The following DNAJC9 variants were observed in gnomAD, a reference collection of about 807,000 sequenced individuals.
The protein encoded by DNAJC9 is dnaJ homolog subfamily C member 9.
In DNAJC9, 18 loss-of-function variants were observed where a neutral mutation model predicts 32.4. That is an observed-to-expected ratio of 0.56 (90% confidence interval 0.38 to 0.82). DNAJC9 has a LOEUF of 0.82. Among genes scored for constraint, DNAJC9 ranks in the 40% least tolerant of loss-of-function variants. The pLI, the probability that DNAJC9 is intolerant of heterozygous loss-of-function variation, is 0.00. For missense variants in DNAJC9, 310 were observed against 321.8 expected, an observed-to-expected ratio of 0.96 and a Z score of 0.28; for synonymous variants, 113 against 122.1, an observed-to-expected ratio of 0.93 and a Z score of 0.49.
At chr10:73,246,926 G>A in intron 1 of DNAJC9, 84 bp downstream of exon 1, 3 of 1,585,390 alleles carry the variant, frequency 1.9e-6, no homozygotes, top group Non-Finnish European at 2.6e-6. Flanking sequence ...AGCTCAGCGC[G>A]CTCCCCCGGG....
intron 4 of DNAJC9, 130 bp downstream of exon 4, chr10:73,243,713 A>T: frequency 2.7e-6 from 3 of 1,095,918 alleles, no homozygotes; most frequent in Non-Finnish European, 3.9e-6. Context: ...CAAATTGTAC[A>T]CTTTAAAAGG....
In DNAJC9 at chr10:73,242,862, C is replaced by T. The variant is rs573957399; in HGVS notation, c.*538G>A. 3 of 152,802 alleles carry T rather than the reference C, an allele frequency of 2.0e-5. No individual in the cohort carries two copies. Among genetic ancestry groups the T allele is most frequent in the African/African-American group, 7.2e-5 (3 of 41,426 alleles). The allele number at this position is 152,802 out of a possible 1,614,324, so 9.5% of individuals were successfully genotyped here. The stretch of plus-strand genomic sequence containing the variant: ...TTTACCTTTTTTATTGAATTATATA[C>T]ACCTCTTACAAAAATGCTTGAAGTA... On this transcript the variant is annotated 3_prime_UTR_variant, in exon 5 of 5. Transcript: ENST00000372950.
chr10:73,232,913 T>C (rs781740385), intron 2 of DNAJC9: 4 of 1,331,604 alleles, frequency 3.0e-6, no homozygotes, highest in East Asian at 2.5e-5. Flanking sequence ...CTTTACTTCA[T>C]TGTGGGTTTC....
downstream of DNAJC9, chr10:73,239,436 C>T (rs185387390): frequency 4.4e-6 from 6 of 1,372,872 alleles, no homozygotes; most frequent in South Asian, 6.4e-5. Flanking sequence ...GTGTTAAGAC[C>T]CAGCCTTTGT....
downstream of DNAJC9, chr10:73,239,327 C>T (rs375530140): frequency 7.0e-5 from 109 of 1,551,558 alleles, 1 homozygote; most frequent in African/African-American, 8.9e-4. Flanking sequence ...TACACAGTAT[C>T]GTCGCTCATG....
downstream of DNAJC9, chr10:73,235,298 A>C: frequency 6.4e-7 from 1 of 1,552,082 alleles, no homozygotes; most frequent in African/African-American, 1.4e-5. Flanking sequence ...CCCCAGGCCC[A>C]ACACAACTCA....
downstream of DNAJC9, among the ~76,000 whole-genome samples, chr10:73,236,725 CTTT>C (rs112151486): frequency 1.3e-4 from 18 of 135,774 alleles, no homozygotes; most frequent in African/African-American, 2.7e-4. Flanking sequence ...TTTTTCTTTT[CTTT>C]TTTTTTTTTT....
intron 2 of DNAJC9, chr10:73,233,164 G>A (rs1039766170): frequency 6.5e-7 from 1 of 1,548,010 alleles, no homozygotes; most frequent in Admixed American, 2.0e-5. Context: ...GAGCCCGAGT[G>A]TAGGTTTCAA....
chr10:73,235,430 AG>A, downstream of DNAJC9: 1 of 1,473,788 alleles, frequency 6.8e-7, no homozygotes, highest in Non-Finnish European at 9.0e-7. Context: ...CCAGAATAAA[AG>A]TTGAGTTTCC....
At chr10:73,241,311 G>C, downstream of DNAJC9, 1 of 382,346 alleles carries the variant, frequency 2.6e-6, no homozygotes, top group East Asian at 6.4e-5. Flanking sequence ...CACTGCTCAT[G>C]TTATCTCTTA....
At chr10:73,233,171 T>C (rs1399882743) in intron 2 of DNAJC9, 5 of 1,539,922 alleles carry the variant, frequency 3.2e-6, no homozygotes, top group Non-Finnish European at 4.4e-6. Flanking sequence ...AGTGTAGGTT[T>C]CAAAAGCAGA....
downstream of DNAJC9, among the ~76,000 whole-genome samples, chr10:73,239,855 C>G (rs2043901955): frequency 6.6e-6 from 1 of 152,200 alleles, no homozygotes; most frequent in African/African-American, 2.4e-5. Context: ...GAGTCTGATT[C>G]TATCGCATTA....
In DNAJC9 at chr10:73,246,714, C is replaced by T; in HGVS notation, c.295G>A (p.Ala99Thr). 4 of 1,614,054 alleles carry T rather than the reference C, an allele frequency of 2.5e-6. No homozygotes were observed. The highest frequency in any genetic ancestry group is 3.4e-6 in the Non-Finnish European group (4 of 1,179,916). ...TTTTTAAAGAGTAGCCGCCAATACGCCTCCCAGTCTCGGTCTTGGGTGAGC... is the reference window on the plus strand; with the variant it reads ...TTTTTAAAGAGTAGCCGCCAATACGTCTCCCAGTCTCGGTCTTGGGTGAGC... ...PVLTQDRDWEAYWRLLFKKIS... is the reference protein window; with the variant it reads ...PVLTQDRDWETYWRLLFKKIS... The change falls in exon 2 of 5, where the codon GCG becomes ACG. Residue 99 changes from alanine to threonine, a missense_variant. Coordinates refer to ENST00000372950, the MANE Select transcript of DNAJC9 (RefSeq NM_015190.5).
In DNAJC9 at chr10:73,246,831, G is replaced by C. The variant is rs1250189255; in HGVS notation, c.181-3C>G. On this transcript the variant is annotated splice_polypyrimidine_tract_variant and splice_region_variant and intron_variant, in intron 1 of 4. Coordinates refer to ENST00000372950, the MANE Select transcript of DNAJC9 (RefSeq NM_015190.5). ...ACGGAATAGACTTTTCCCAGGATCT[G>C]AGGGCAAAGAGTATCCGTAAATCAC... 1 of 1,613,968 alleles carries C rather than the reference G, an allele frequency of 6.2e-7. No individual in the cohort carries two copies. The highest frequency in any genetic ancestry group is 1.7e-5 in the Admixed American group (1 of 60,028).
At chr10:73,234,863 A>T, downstream of DNAJC9, 1 of 1,551,764 alleles carries the variant, frequency 6.4e-7, no homozygotes. Context: ...GACGCCCCTG[A>T]GTCGAAATAA....
chr10:73,233,299 G>A, intron 2 of DNAJC9: 2 of 656,534 alleles, frequency 3.0e-6, no homozygotes, highest in South Asian at 3.9e-5. Flanking sequence ...ATTGCCCATG[G>A]GTTTAGATCC....
At chr10:73,233,057 A>C (rs1589193380) in intron 2 of DNAJC9, 1 of 1,551,590 alleles carries the variant, frequency 6.4e-7, no homozygotes, top group South Asian at 1.2e-5. Context: ...AGTGCAGTCC[A>C]CCAGGAGACG....
intron 2 of DNAJC9, chr10:73,233,061 G>A (rs1484792152): frequency 6.4e-7 from 1 of 1,551,530 alleles, no homozygotes; most frequent in African/African-American, 1.4e-5. Flanking sequence ...CAGTCCACCA[G>A]GAGACGCAAT....
At chr10:73,234,572 G>A, downstream of DNAJC9, 1 of 458,068 alleles carries the variant, frequency 2.2e-6, no homozygotes, top group East Asian at 4.0e-5. Flanking sequence ...CCAGTTCTGT[G>A]GGAGAGAAAA....
Sources: gnomAD v4.1 joint callset for allele counts (sites outside exome capture counted in the v4.1 genomes callset) on GRCh38, gnomAD v4.1.1 for gene constraint, MANE v1.5 for transcripts, NCBI Gene and HGNC (gene_info 2026-07-23, HGNC 2026-07-21) for gene names.